ARMH3: variants seen among roughly 807,000 people sequenced by gnomAD.
The protein encoded by ARMH3 is armadillo-like helical domain-containing protein 3.
Under a neutral mutation model 99.1 loss-of-function variants are expected in ARMH3, and 60 were observed. The ratio of observed to expected loss-of-function variants is 0.61; its 90% CI spans 0.49 to 0.75. The LOEUF (loss-of-function observed/expected upper bound fraction) is 0.75, where lower values mean the gene tolerates loss of function less well. ARMH3 is among the 30% of genes least tolerant of loss of function. The pLI, the probability that ARMH3 is intolerant of heterozygous loss-of-function variation, is 0.00. For synonymous variants in ARMH3, 285 were observed against 292.8 expected (o/e 0.97, Z 0.27); for missense variants, 679 against 843.1 (o/e 0.81, Z 2.41).
chr10:101,952,224 G>C (rs1844825177), intron 22 of ARMH3, among the ~76,000 whole-genome samples: 1 of 152,152 alleles, frequency 6.6e-6, no homozygotes, highest in South Asian at 2.1e-4. Flanking sequence ...CCTTAACCAA[G>C]TGATCAAGGT....
chr10:101,853,776 C>CT (rs1226830617), intron 24 of ARMH3, among the ~76,000 whole-genome samples: 3 of 152,136 alleles, frequency 2.0e-5, no homozygotes, highest in Admixed American at 2.0e-4. Context: ...CACCTATGAC[C>CT]CTTAGGAGAC....
At chr10:101,981,188 GA>G (rs1366345785) in intron 19 of ARMH3, among the ~76,000 whole-genome samples, 1 of 148,292 alleles carries the variant, frequency 6.7e-6, no homozygotes, top group African/African-American at 2.5e-5. Flanking sequence ...AAGAAATAAT[GA>G]AAAAAAAAGA....
chr10:102,054,917 A>G (rs966571597), intron 1 of ARMH3, among the ~76,000 whole-genome samples: 4 of 151,730 alleles, frequency 2.6e-5, no homozygotes, highest in Non-Finnish European at 4.4e-5. Context: ...AATCGCTCGA[A>G]CCTGGAAGGC....
At chr10:102,006,442 T>A in intron 14 of ARMH3, 98 bp downstream of exon 14, 2 of 1,365,064 alleles carry the variant, frequency 1.5e-6, no homozygotes, top group Non-Finnish European at 1.0e-6. Flanking sequence ...GTGGGAAAAA[T>A]TAACAACTAC....
intron 19 of ARMH3, among the ~76,000 whole-genome samples, chr10:101,981,483 C>T (rs1034437839): frequency 2.6e-4 from 40 of 152,090 alleles, no homozygotes; most frequent in African/African-American, 9.2e-4. Context: ...AACAAAATGC[C>T]TAACAACGTA....
intron 5 of ARMH3, among the ~76,000 whole-genome samples, chr10:102,027,343 T>C (rs1358580624): frequency 1.3e-5 from 2 of 148,560 alleles, no homozygotes; most frequent in East Asian, 2.0e-4. Flanking sequence ...AGAGATAGCA[T>C]AATAGAGATG....
At chr10:101,980,094 A>G (rs1459451121) in intron 19 of ARMH3, among the ~76,000 whole-genome samples, 1 of 152,208 alleles carries the variant, frequency 6.6e-6, no homozygotes, top group Non-Finnish European at 1.5e-5. Context: ...CTCCAGGCTC[A>G]TCACACAAAC....
At chr10:101,967,694 G>A (rs149196140) in intron 20 of ARMH3, among the ~76,000 whole-genome samples, 2,446 of 152,244 alleles carry the variant, frequency 0.016, 44 homozygotes, top group Middle Eastern at 0.034. Flanking sequence ...CTGGGATCGC[G>A]CCACGGCACT....
At chr10:102,001,735 A>G (rs570693328) in intron 15 of ARMH3, among the ~76,000 whole-genome samples, 2 of 152,254 alleles carry the variant, frequency 1.3e-5, no homozygotes, top group Non-Finnish European at 2.9e-5. Context: ...CAAAGAGACC[A>G]ATTTTTTTCC....
intron 22 of ARMH3, among the ~76,000 whole-genome samples, chr10:101,942,118 C>T (rs1844268365): frequency 6.6e-6 from 1 of 152,188 alleles, no homozygotes; most frequent in African/African-American, 2.4e-5. Context: ...ACATTCTTTT[C>T]TAAGCTACCA....
intron 23 of ARMH3, among the ~76,000 whole-genome samples, chr10:101,928,821 C>T (rs1843611218): frequency 6.6e-6 from 1 of 152,150 alleles, no homozygotes; most frequent in African/African-American, 2.4e-5. Context: ...ACCTCCATCT[C>T]CCGGATTCAA....
chr10:101,887,421 T>C (rs1258876224), intron 24 of ARMH3, among the ~76,000 whole-genome samples: 1 of 151,856 alleles, frequency 6.6e-6, no homozygotes, highest in African/African-American at 2.4e-5. Flanking sequence ...TTACTATTAT[T>C]TTGAGACAGG....
At chr10:102,033,246 G>C (rs751497814) in intron 3 of ARMH3, 37 bp downstream of exon 3, 1 of 1,613,526 alleles carries the variant, frequency 6.2e-7, no homozygotes, top group African/African-American at 1.3e-5. Context: ...GGCAATTTTA[G>C]TTACCAGGAA....
intron 13 of ARMH3, among the ~76,000 whole-genome samples, chr10:102,008,072 C>T (rs1231691645): frequency 6.6e-6 from 1 of 152,136 alleles, no homozygotes; most frequent in African/African-American, 2.4e-5. Flanking sequence ...TCCCTAACAG[C>T]TTTACCAGCA....
chr10:102,003,708 C>T (rs566342057), intron 14 of ARMH3, among the ~76,000 whole-genome samples: 14 of 152,230 alleles, frequency 9.2e-5, no homozygotes, highest in East Asian at 5.8e-4. Context: ...GGAGTTATTA[C>T]GACATATGCA....
intron 24 of ARMH3, among the ~76,000 whole-genome samples, chr10:101,864,910 C>T (rs909849081): frequency 6.6e-6 from 1 of 151,720 alleles, no homozygotes; most frequent in Non-Finnish European, 1.5e-5. Context: ...ACTTTACAAA[C>T]TCTCAATTAA....
At chr10:101,976,377 T>C (rs1261497410) in intron 19 of ARMH3, among the ~76,000 whole-genome samples, 1 of 135,338 alleles carries the variant, frequency 7.4e-6, no homozygotes, top group Non-Finnish European at 1.6e-5. Flanking sequence ...TCTAGTAGAT[T>C]AATCAATCTC....
intron 1 of ARMH3, among the ~76,000 whole-genome samples, chr10:102,041,104 T>TAA (rs1554897260): frequency 6.8e-6 from 1 of 146,602 alleles, no homozygotes; most frequent in Non-Finnish European, 1.5e-5. Context: ...TATATATATA[T>TAA]ATATATATGT....
chr10:101,865,200 T>C (rs1180293130), intron 24 of ARMH3, among the ~76,000 whole-genome samples: 1 of 146,506 alleles, frequency 6.8e-6, no homozygotes, highest in Non-Finnish European at 1.5e-5. Flanking sequence ...TGGGCGACAG[T>C]GTGAGACTAT....
Sources: gnomAD v4.1 joint callset for allele counts (sites outside exome capture counted in the v4.1 genomes callset) on GRCh38, gnomAD v4.1.1 for gene constraint, MANE v1.5 for transcripts, NCBI Gene and HGNC (gene_info 2026-07-23, HGNC 2026-07-21) for gene names.